Variants in TENM3 observed in about 807,000 individuals in gnomAD.
The protein encoded by TENM3 is teneurin-3.
TENM3 carries 63 observed loss-of-function variants against 255.1 expected under a neutral mutation model. The ratio of observed to expected loss-of-function variants is 0.25; its 90% CI spans 0.20 to 0.30. The LOEUF is 0.30. Ranked by LOEUF, TENM3 falls within the 10% of genes least tolerant of loss-of-function variation. The pLI, the probability that TENM3 is intolerant of heterozygous loss-of-function variation, is 1.00. For missense variants in TENM3, 2,929 were observed against 3,461.1 expected (o/e 0.85, Z 3.86); for synonymous variants, 1,306 against 1,322.3 (o/e 0.99, Z 0.27).
intron 3 of TENM3, among the ~76,000 whole-genome samples, chr4:182,376,855 A>G (rs1767210337): frequency 6.6e-6 from 1 of 152,022 alleles, no homozygotes; most frequent in Non-Finnish European, 1.5e-5. Context: ...CTAAAAGTGT[A>G]TTATCAAAAA....
the TENM3 span, among the ~76,000 whole-genome samples, chr4:181,496,663 G>A: frequency 6.6e-6 from 1 of 152,192 alleles, no homozygotes; most frequent in Admixed American, 6.5e-5. Context: ...TATGGCGTGT[G>A]TTTGAAGGTA....
At chr4:182,323,913 T>C (rs919537493) in intron 1 of TENM3, 33 bp from the exon 2 acceptor site, 6 of 906,074 alleles carry the variant, frequency 6.6e-6, no homozygotes, top group African/African-American at 3.3e-5. Context: ...GTGAACGTCA[T>C]GCTGACCTCA....
the TENM3 span, among the ~76,000 whole-genome samples, chr4:181,732,544 C>G: frequency 1.2e-4 from 19 of 152,068 alleles, no homozygotes; most frequent in African/African-American, 4.6e-4. Context: ...CAGGTAGGGC[C>G]GTAGTTACAC....
intron 1 of TENM3, among the ~76,000 whole-genome samples, chr4:182,162,170 C>CCA (rs1444289864): frequency 6.6e-6 from 1 of 151,772 alleles, no homozygotes; most frequent in African/African-American, 2.4e-5. Flanking sequence ...AGGCAAGCTA[C>CCA]CACACCTGGC....
At chr4:182,394,630 T>C (rs1051784259) in intron 3 of TENM3, among the ~76,000 whole-genome samples, 4 of 152,202 alleles carry the variant, frequency 2.6e-5, no homozygotes, top group Non-Finnish European at 5.9e-5. Context: ...TTATTTTCCA[T>C]AGACACTGAT....
the TENM3 span, among the ~76,000 whole-genome samples, chr4:182,091,485 GA>G: frequency 1.3e-5 from 2 of 152,172 alleles, no homozygotes; most frequent in Non-Finnish European, 2.9e-5. Context: ...CGAACTAAAG[GA>G]AAGAGGTGAG....
intron 3 of TENM3, among the ~76,000 whole-genome samples, chr4:182,517,328 G>A (rs76017448): frequency 0.016 from 2,404 of 150,758 alleles, 71 homozygotes; most frequent in East Asian, 0.037. Flanking sequence ...CAGGCTCTTC[G>A]GCCTCTTTTC....
the TENM3 span, among the ~76,000 whole-genome samples, chr4:181,577,158 T>C: frequency 7.4e-6 from 1 of 134,848 alleles, no homozygotes; most frequent in African/African-American, 2.8e-5. Flanking sequence ...AATATATATA[T>C]AAATAATATA....
intron 1 of TENM3, among the ~76,000 whole-genome samples, chr4:182,295,838 A>G (rs879790308): frequency 1.3e-5 from 2 of 152,224 alleles, no homozygotes; most frequent in South Asian, 2.1e-4. Flanking sequence ...ATAACTGTTT[A>G]CCACGTATAT....
At chr4:182,309,964 G>A (rs1275737982) in intron 1 of TENM3, among the ~76,000 whole-genome samples, 9 of 152,170 alleles carry the variant, frequency 5.9e-5, no homozygotes, top group Admixed American at 2.6e-4. Context: ...TAATATCTCC[G>A]CTAGAAAGGT....
the TENM3 span, among the ~76,000 whole-genome samples, chr4:181,700,737 A>G: frequency 2.4e-3 from 358 of 152,286 alleles, 1 homozygote; most frequent in Non-Finnish European, 4.2e-3. Flanking sequence ...AGCAGTCACT[A>G]GCATTTTGTC....
At chr4:182,376,958 G>A (rs1213767761) in intron 3 of TENM3, among the ~76,000 whole-genome samples, 1 of 152,190 alleles carries the variant, frequency 6.6e-6, no homozygotes, top group Admixed American at 6.5e-5. Flanking sequence ...TGTGTAGTCA[G>A]AATCAAGCTT....
chr4:182,097,574 G>A, the TENM3 span, among the ~76,000 whole-genome samples: 3 of 152,038 alleles, frequency 2.0e-5, no homozygotes, highest in Non-Finnish European at 2.9e-5. Context: ...AGATTTACTC[G>A]ACATATATGT....
chr4:181,690,112 G>A, the TENM3 span, among the ~76,000 whole-genome samples: 1 of 152,134 alleles, frequency 6.6e-6, no homozygotes, highest in Non-Finnish European at 1.5e-5. Flanking sequence ...GCTCATTAAA[G>A]CAGTTTGAAA....
intron 1 of TENM3, among the ~76,000 whole-genome samples, chr4:182,217,746 A>T (rs1755590289): frequency 6.6e-6 from 1 of 152,216 alleles, no homozygotes; most frequent in African/African-American, 2.4e-5. Flanking sequence ...GAACCTGTGC[A>T]CAATATGACT....
intron 2 of TENM3, 144 bp downstream of exon 2, chr4:182,324,396 G>A: frequency 1.5e-6 from 1 of 687,006 alleles, no homozygotes; most frequent in African/African-American, 1.8e-5. Flanking sequence ...AGATCATCAT[G>A]CAGTATTCCA....
At chr4:181,654,260 T>C in the TENM3 span, among the ~76,000 whole-genome samples, 1 of 146,312 alleles carries the variant, frequency 6.8e-6, no homozygotes. Flanking sequence ...AAGTCCAAAC[T>C]CGTGGGCCCC....
the TENM3 span, among the ~76,000 whole-genome samples, chr4:182,138,760 T>C: frequency 6.6e-6 from 1 of 152,192 alleles, no homozygotes; most frequent in Admixed American, 6.5e-5. Flanking sequence ...CATATCCTAC[T>C]GAAAAAGAGA....
At chr4:181,747,118 A>C in the TENM3 span, among the ~76,000 whole-genome samples, 1 of 152,140 alleles carries the variant, frequency 6.6e-6, no homozygotes. Context: ...ATGCAAATTT[A>C]TACTTCCACC....
Sources: gnomAD v4.1 joint callset for allele counts (sites outside exome capture counted in the v4.1 genomes callset) on GRCh38, gnomAD v4.1.1 for gene constraint, MANE v1.5 for transcripts, NCBI Gene and HGNC (gene_info 2026-07-23, HGNC 2026-07-21) for gene names.